Variants in FREM1 observed in about 807,000 individuals in gnomAD.
The protein encoded by FREM1 is FRAS1 related extracellular matrix 1.
In FREM1, 220 loss-of-function variants were observed where a neutral mutation model predicts 210.1. That is an observed-to-expected ratio of 1.05 (90% CI 0.94 to 1.17). The LOEUF (loss-of-function observed/expected upper bound fraction) is 1.17, where lower values mean the gene tolerates loss of function less well. FREM1 is among the 50% of genes most tolerant of loss of function. The pLI is 0.00. For missense variants in FREM1, 3,454 were observed against 2,675.5 expected, an observed-to-expected ratio of 1.29 and a Z score of -6.42; for synonymous variants, 1,189 against 980.2, an observed-to-expected ratio of 1.21 and a Z score of -3.98.
Position 14,824,889 on chromosome 9 carries a change from G to C in FREM1, c.1985C>G (p.Thr662Ser), listed in dbSNP as rs376703044. The C allele has an allele frequency of 1.2e-6, 2 of 1,613,178 alleles. No individual in the cohort carries two copies. Among genetic ancestry groups the C allele is most frequent in the African/African-American group, 1.3e-5 (1 of 74,852 alleles). The change falls in exon 11 of 37, where the codon ACT becomes AGT. Residue 662 changes from threonine (T) to serine (S), a missense_variant. Thr to Ser is a moderately conservative substitution (Grantham distance 58). Transcript: ENST00000380880. ...VVKETEVAYI[T>S]KKQLHFIDSE... ...ATCTATAAAATGTAGCTGTTTCTTAGTTATATAGGCCACCTCAGTTTCCTT... is the reference window on the plus strand; with the variant it reads ...ATCTATAAAATGTAGCTGTTTCTTACTTATATAGGCCACCTCAGTTTCCTT...
At chr9:14,864,768 T>C (rs1242411496) in intron 2 of FREM1, among the ~76,000 whole-genome samples, 1 of 152,216 alleles carries the variant, frequency 6.6e-6, no homozygotes, top group Non-Finnish European at 1.5e-5. Context: ...GTTTCGTCTG[T>C]ACCTTTTCAC....
intron 1 of FREM1, among the ~76,000 whole-genome samples, chr9:14,900,643 G>A (rs956100083): frequency 3.3e-5 from 5 of 152,276 alleles, no homozygotes; most frequent in African/African-American, 1.2e-4. Flanking sequence ...CTGACACAAG[G>A]TAAAGAAAGA....
chr9:14,859,817 A>G (rs1045907243), intron 3 of FREM1, among the ~76,000 whole-genome samples: 1 of 152,188 alleles, frequency 6.6e-6, no homozygotes, highest in African/African-American at 2.4e-5. Flanking sequence ...TCAAGCCTAT[A>G]TAATTTCTGG....
intron 29 of FREM1, among the ~76,000 whole-genome samples, chr9:14,752,396 G>C (rs1054856672): frequency 3.3e-5 from 5 of 152,116 alleles, no homozygotes; most frequent in African/African-American, 1.2e-4. Context: ...CTGGAATAGA[G>C]AGGTTACATG....
intron 31 of FREM1, 65 bp downstream of exon 31, chr9:14,748,336 T>C (rs1842809092): frequency 1.1e-6 from 1 of 901,742 alleles, no homozygotes; most frequent in South Asian, 1.7e-5. Context: ...GAATACTTAT[T>C]AATATCTTCT....
At chr9:14,868,654 C>A (rs2131837832) in intron 2 of FREM1, 90 bp downstream of exon 2, 1 of 828,926 alleles carries the variant, frequency 1.2e-6, no homozygotes, top group South Asian at 1.6e-5. Context: ...TGAGGGGAGA[C>A]ATTTTACATC....
intron 29 of FREM1, 79 bp downstream of exon 29, chr9:14,756,295 T>A: frequency 9.7e-7 from 1 of 1,025,978 alleles, no homozygotes. Context: ...CATTCTATCT[T>A]CTCTACAATC....
At chr9:14,883,494 C>G (rs1284759884) in intron 1 of FREM1, among the ~76,000 whole-genome samples, 1 of 152,086 alleles carries the variant, frequency 6.6e-6, no homozygotes, top group African/African-American at 2.4e-5. Flanking sequence ...TTATTTTTGG[C>G]TTCAAGAAGG....
At chr9:14,874,350 C>G (rs561651731) in intron 1 of FREM1, among the ~76,000 whole-genome samples, 2 of 150,646 alleles carry the variant, frequency 1.3e-5, no homozygotes, top group East Asian at 3.9e-4. Flanking sequence ...TCTGGGTGCT[C>G]CTGTATTGGG....
chr9:14,821,450 G>A (rs985152328), intron 13 of FREM1, among the ~76,000 whole-genome samples: 88 of 152,264 alleles, frequency 5.8e-4, no homozygotes, highest in African/African-American at 1.8e-3. Context: ...ATTTCTCCAT[G>A]ATTGTTTTAG....
chr9:14,794,878 G>A (rs1489640553), intron 21 of FREM1, among the ~76,000 whole-genome samples: 1 of 151,702 alleles, frequency 6.6e-6, no homozygotes, highest in African/African-American at 2.4e-5. Flanking sequence ...GGCGCCTGTA[G>A]TCCCAGCTAC....
intron 10 of FREM1, among the ~76,000 whole-genome samples, chr9:14,834,603 T>C (rs1824192116): frequency 6.6e-6 from 1 of 152,198 alleles, no homozygotes. Context: ...GGCAAAATAA[T>C]TTATGGCAAT....
Position 14,756,377 on chromosome 9 carries a change from G to C in FREM1, c.5404C>G (p.Pro1802Ala), listed in dbSNP as rs1844366547. 1.3e-6 allele frequency: 2 copies of C among 1,587,512 alleles called. No homozygotes were observed. The highest frequency in any genetic ancestry group is 2.7e-5 in the African/African-American group (2 of 74,034). ...VIPSKLIQFD[P>A]GMSTKMWNIA... Reference sequence around the variant, plus strand: ...AAACTGCAGACACAAAATGTACCTGGGTCAAACTGAATCAGTTTAGATGGA... The same window carrying C: ...AAACTGCAGACACAAAATGTACCTGCGTCAAACTGAATCAGTTTAGATGGA... The change falls in exon 29 of 37, where the codon CCA becomes GCA. Residue 1802 changes from proline (P) to alanine (A), a missense_variant. Physicochemically the swap from Pro to Ala is conservative, Grantham distance 27 (BLOSUM62 -1). Transcript: ENST00000380880.
chr9:14,747,321 T>C lies in FREM1; in HGVS notation c.5952A>G (p.Ala1984=). 6.2e-7 allele frequency: 1 copy of C among 1,613,818 alleles called. No individual in the cohort carries two copies. The highest frequency in any genetic ancestry group is 1.3e-5 in the African/African-American group (1 of 75,030). Residue 1984 remains alanine (A), a synonymous_variant, in exon 33 of 37, where the codon GCA becomes GCG. Coordinates refer to ENST00000380880, the MANE Select transcript of FREM1 (RefSeq NM_001379081.2). ...ISQPQKTIKV[A]ELPQADKVES... The stretch of plus-strand genomic sequence containing the variant: ...CCACCTTATCTGCTTGAGGCAGTTC[T>C]GCCACTTTGATTGTCTTTTGTGGCT...
chr9:14,776,279 C>T (rs770341442), intron 24 of FREM1, 76 bp from the exon 25 acceptor site: 170 of 1,430,796 alleles, frequency 1.2e-4, no homozygotes, highest in Non-Finnish European at 1.6e-4. Flanking sequence ...GATAACAATA[C>T]ACACCTTTAC....
chr9:14,875,018 A>C (rs1014734527), intron 1 of FREM1, among the ~76,000 whole-genome samples: 9 of 152,252 alleles, frequency 5.9e-5, no homozygotes, highest in Non-Finnish European at 1.2e-4. Flanking sequence ...TGGCTTGTAG[A>C]GTTTCTGCCG....
At chr9:14,860,902 C>CGT (rs1377329185) in intron 3 of FREM1, among the ~76,000 whole-genome samples, 2 of 67,246 alleles carry the variant, frequency 3.0e-5, no homozygotes, top group South Asian at 7.6e-4. Flanking sequence ...TACATATATA[C>CGT]ACATATACAC....
intron 1 of FREM1, among the ~76,000 whole-genome samples, chr9:14,906,723 G>A (rs1166527029): frequency 6.6e-6 from 1 of 152,146 alleles, no homozygotes; most frequent in Admixed American, 6.5e-5. Context: ...GGGCTAATGA[G>A]GCAAAGTTGT....
At chr9:14,855,757 G>T (rs1376779534) in intron 5 of FREM1, among the ~76,000 whole-genome samples, 1 of 150,814 alleles carries the variant, frequency 6.6e-6, no homozygotes, top group African/African-American at 2.4e-5. Flanking sequence ...GATAAACAAA[G>T]CAAGAAGGTA....
Sources: gnomAD v4.1 joint callset for allele counts (sites outside exome capture counted in the v4.1 genomes callset) on GRCh38, gnomAD v4.1.1 for gene constraint, MANE v1.5 for transcripts, NCBI Gene and HGNC (gene_info 2026-07-23, HGNC 2026-07-21) for gene names.